The following ZNF207 variants were observed in gnomAD, a reference collection of about 807,000 sequenced individuals.
ZNF207 encodes the protein zinc finger protein 207, also known as BUB3-interacting and GLEBS motif-containing protein ZNF207.
Under a neutral mutation model 60.2 loss-of-function variants are expected in ZNF207, and 24 were observed. The ratio of observed to expected loss-of-function variants is 0.40; its 90% CI spans 0.29 to 0.56. ZNF207 has a LOEUF of 0.56. Ranked by LOEUF, ZNF207 falls within the 20% of genes least tolerant of loss-of-function variation. ZNF207 has a pLI of 0.49. For missense variants in ZNF207, 452 were observed against 636.6 expected (o/e 0.71, Z 3.12); for synonymous variants, 236 against 194.7 (o/e 1.21, Z -1.77).
chr17:32,367,673 C>T (rs1441070671), intron 9 of ZNF207, 99 bp from the exon 10 acceptor site: 2 of 1,455,912 alleles, frequency 1.4e-6, no homozygotes, highest in African/African-American at 2.8e-5. Flanking sequence ...AAAGTTTGGT[C>T]CTTTATTTAA....
rs765981858 is a variant in ZNF207, at chr17:32,367,832, G to A, written c.982G>A (p.Ala328Thr). 1 of 1,614,072 alleles carries A rather than the reference G, an allele frequency of 6.2e-7. No individual in the cohort carries two copies. Among genetic ancestry groups the A allele is most frequent in the Non-Finnish European group, 8.5e-7 (1 of 1,180,010 alleles). Residue 328 changes from alanine (A) to threonine (T), a missense_variant, in exon 10 of 12, where the codon GCA becomes ACA. Ala to Thr is a moderately conservative substitution (Grantham distance 58). Transcript: ENST00000394670. Reference sequence around the variant, plus strand: ...TTTCAAACCCTTAAATAGTACCCCTGCAACAACTACAGAACCCCCAAAGCC... The same window carrying A: ...TTTCAAACCCTTAAATAGTACCCCTACAACAACTACAGAACCCCCAAAGCC... The part of the protein sequence containing the change: ...TDFKPLNSTP[A>T]TTTEPPKPTF...
intron 5 of ZNF207, 93 bp downstream of exon 5, chr17:32,361,060 T>C: frequency 7.2e-7 from 1 of 1,384,048 alleles, no homozygotes; most frequent in South Asian, 1.2e-5. Context: ...TACTTTCCAT[T>C]TTTTGCTTCT....
intron 1 of ZNF207, 188 bp from the exon 2 acceptor site, chr17:32,351,598 A>G (rs2041508636): frequency 6.5e-7 from 1 of 1,536,248 alleles, no homozygotes; most frequent in Admixed American, 2.0e-5. Flanking sequence ...CTGGCCTTCT[A>G]GGAAATTGAA....
At chr17:32,353,329 T>C (rs929157007) in intron 2 of ZNF207, among the ~76,000 whole-genome samples, 1 of 152,190 alleles carries the variant, frequency 6.6e-6, no homozygotes, top group Non-Finnish European at 1.5e-5. Flanking sequence ...GTCTGAATTT[T>C]TGCTAAATTA....
intron 7 of ZNF207, among the ~76,000 whole-genome samples, chr17:32,363,217 A>G (rs1904981324): frequency 6.6e-6 from 1 of 152,046 alleles, no homozygotes; most frequent in Non-Finnish European, 1.5e-5. Flanking sequence ...CCTCCTGAGT[A>G]GCTGGGATTA....
In ZNF207 at chr17:32,378,448, A is replaced by G. The variant is rs1321638839; in HGVS notation, c.*8689A>G. The G allele has an allele frequency of 6.6e-6, 1 of 152,006 alleles. No individual in the cohort carries two copies. The allele number at this position is 152,006 out of a possible 1,614,324, so 9.4% of individuals were successfully genotyped here. ...GTCATAAGCTAGAATATGTTTTTATAATGCTTTTTTGTTCTTTTAGCAACA... is the reference window on the plus strand; with the variant it reads ...GTCATAAGCTAGAATATGTTTTTATGATGCTTTTTTGTTCTTTTAGCAACA... On this transcript the variant is annotated 3_prime_UTR_variant, in exon 12 of 12. Transcript: ENST00000394670.
At chr17:32,352,484 CAT>C (rs2041525794) in intron 2 of ZNF207, among the ~76,000 whole-genome samples, 1 of 152,280 alleles carries the variant, frequency 6.6e-6, no homozygotes, top group Non-Finnish European at 1.5e-5. Context: ...AGATTGGTAA[CAT>C]ATCGAAATCA....
At chr17:32,367,280 T>C (rs1202055934) in intron 9 of ZNF207, among the ~76,000 whole-genome samples, 2 of 101,756 alleles carry the variant, frequency 2.0e-5, no homozygotes, top group East Asian at 4.9e-4. Flanking sequence ...TATATATATA[T>C]ATATAAAGAA....
At chr17:32,365,863 C>T (rs547210799) in intron 8 of ZNF207, among the ~76,000 whole-genome samples, 9 of 151,656 alleles carry the variant, frequency 5.9e-5, no homozygotes, top group Admixed American at 2.0e-4. Context: ...AAGACGGTAG[C>T]AAATCATTTG....
Position 32,373,243 on chromosome 17 carries a change from G to T in ZNF207, c.*3484G>T. The T allele has an allele frequency of 2.2e-6, 1 of 459,736 alleles. No homozygotes were observed. Among genetic ancestry groups the T allele is most frequent in the Non-Finnish European group, 3.9e-6 (1 of 257,528 alleles). The allele number at this position is 459,736 out of a possible 1,614,324, so 28.5% of individuals were successfully genotyped here. ...GATTCCCCAACAAAAAGAAGTACGG[G>T]CTCAGAGTGGAATTGTAGTGGACAA... is the stretch of plus-strand genomic sequence containing the variant. On this transcript the variant is annotated 3_prime_UTR_variant, in exon 12 of 12. Transcript: ENST00000394670.
intron 2 of ZNF207, 129 bp from the exon 3 acceptor site, chr17:32,358,374 T>C (rs1035563080): frequency 2.6e-6 from 2 of 779,714 alleles, no homozygotes; most frequent in Middle Eastern, 3.3e-4. Flanking sequence ...AGCTAGTGAA[T>C]GGCAAAACTG....
At chr17:32,369,538 G>A in intron 11 of ZNF207, 61 bp from the exon 12 acceptor site, 1 of 1,589,804 alleles carries the variant, frequency 6.3e-7, no homozygotes, top group South Asian at 1.1e-5. Context: ...AGCATACGTT[G>A]CACTTAAAAG....
At chr17:32,356,497 T>C (rs1904512958) in intron 2 of ZNF207, among the ~76,000 whole-genome samples, 1 of 152,224 alleles carries the variant, frequency 6.6e-6, no homozygotes, top group South Asian at 2.1e-4. Flanking sequence ...CTGAGTTTGA[T>C]TTGCATGCCC....
chr17:32,371,574 C>G lies in ZNF207; in HGVS notation c.*1815C>G, dbSNP rs983692488. The G allele has an allele frequency of 6.6e-6, 1 of 152,050 alleles. No homozygotes were observed. The highest frequency in any genetic ancestry group is 1.5e-5 in the Non-Finnish European group (1 of 68,078). The allele number at this position is 152,050 out of a possible 1,614,324, so 9.4% of individuals were successfully genotyped here. ...GACCAGCCTGGCCAACATGGCAAAA[C>G]CCCATCTGTACAAAACATTTAAAAA... On this transcript the variant is annotated 3_prime_UTR_variant, in exon 12 of 12. Transcript: ENST00000394670.
At chr17:32,351,075 C>T (rs1343188030) in intron 1 of ZNF207, 3 of 154,008 alleles carry the variant, frequency 1.9e-5, no homozygotes, top group South Asian at 1.9e-4. Context: ...CTGTTTTGTA[C>T]GTAAAGGCGG....
At chr17:32,361,663 TAAA>T (rs1904887626) in intron 6 of ZNF207, 148 bp downstream of exon 6, 1 of 606,970 alleles carries the variant, frequency 1.6e-6, no homozygotes, top group Non-Finnish European at 2.7e-6. Flanking sequence ...ACAGGTCTCT[TAAA>T]GAAGGAAAAT....
rs1905648574 is a variant in ZNF207 at position 32,375,540 on chromosome 17, CAAAT to C, written c.*5784_*5787del. The C allele has an allele frequency of 1.3e-5, 2 of 151,812 alleles. No individual in the cohort carries two copies. The highest frequency in any genetic ancestry group is 2.4e-5 in the African/African-American group (1 of 41,338). 9.4% of individuals were successfully genotyped at this position (151,812 alleles called of 1,614,324 possible). ...TTTTTTTGTAGTTCTGTGACTCAGA[CAAAT>C]AAGATTTTGAGAATTATGTAGTTTT... On this transcript the variant is annotated 3_prime_UTR_variant, in exon 12 of 12. Transcript: ENST00000394670.
chr17:32,380,649 GGT>G lies in ZNF207; in HGVS notation c.*10891_*10892del, dbSNP rs1905845550. On this transcript the variant is annotated 3_prime_UTR_variant, in exon 12 of 12. Coordinates refer to ENST00000394670, the MANE Select transcript of ZNF207 (RefSeq NM_001098507.2). ...AGGAATCAGTTAATAATAGTAAAGT[GGT>G]ATTAACCCAATACTTGATTTGCAGT... The G allele has an allele frequency of 2.0e-5, 3 of 152,148 alleles. No homozygotes were observed. Among genetic ancestry groups the G allele is most frequent in the African/African-American group, 7.2e-5 (3 of 41,406 alleles). 9.4% of individuals were successfully genotyped at this position (152,148 alleles called of 1,614,324 possible). A position where few individuals can be genotyped will look rare whatever the true frequency, so the allele number is the denominator to read the frequency against.
chr17:32,379,912 A>G lies in ZNF207; in HGVS notation c.*10153A>G, dbSNP rs1242391986. ...TCCCTCTAGTTTTTAACTATATCCT[A>G]GATTAAAACCAGCATATGCTAAGAA... is the stretch of plus-strand genomic sequence containing the variant. On this transcript the variant is annotated 3_prime_UTR_variant, in exon 12 of 12. Coordinates refer to ENST00000394670, the MANE Select transcript of ZNF207 (RefSeq NM_001098507.2). The G allele has an allele frequency of 2.6e-5, 4 of 152,194 alleles. No individual in the cohort carries two copies. The highest frequency in any genetic ancestry group is 5.9e-5 in the Non-Finnish European group (4 of 68,020). The allele number at this position is 152,194 out of a possible 1,614,324, so 9.4% of individuals were successfully genotyped here.
Sources: gnomAD v4.1 joint callset for allele counts (sites outside exome capture counted in the v4.1 genomes callset) on GRCh38, gnomAD v4.1.1 for gene constraint, MANE v1.5 for transcripts, NCBI Gene and HGNC (gene_info 2026-07-23, HGNC 2026-07-21) for gene names.